The following CLIC5 variants were observed in gnomAD, a reference collection of about 807,000 sequenced individuals.
CLIC5 encodes the protein chloride intracellular channel protein 5.
Under a neutral mutation model 24.7 loss-of-function variants are expected in CLIC5, and 20 were observed. The observed-to-expected ratio is 0.81, with a 90% CI of 0.57 to 1.18. The LOEUF (loss-of-function observed/expected upper bound fraction) is 1.18, where lower values mean the gene tolerates loss of function less well. Ranked by LOEUF, CLIC5 falls within the 50% of genes most tolerant of loss-of-function variation. CLIC5 has a pLI of 0.00. For synonymous variants in CLIC5, 159 were observed against 135.6 expected (o/e 1.17, Z -1.20); for missense variants, 341 against 326.1 (o/e 1.05, Z -0.35).
At chr6:45,895,585 C>T (rs143351247), downstream of CLIC5, among the ~76,000 whole-genome samples, 592 of 152,202 alleles carry the variant, frequency 3.9e-3, 7 homozygotes, top group African/African-American at 0.013. Flanking sequence ...CAAGGTGAAC[C>T]CAGAAGTCTG....
intron 1 of CLIC5, among the ~76,000 whole-genome samples, chr6:46,071,157 T>C (rs1424419625): frequency 1.3e-5 from 2 of 152,170 alleles, no homozygotes; most frequent in East Asian, 1.9e-4. Context: ...ATTCTGGGCA[T>C]AGAAACAGGC....
intron 1 of CLIC5, among the ~76,000 whole-genome samples, chr6:46,005,562 AG>A (rs1766520606): frequency 6.6e-6 from 1 of 152,172 alleles, no homozygotes; most frequent in Non-Finnish European, 1.5e-5. Flanking sequence ...TATAAACAAA[AG>A]TCTGGATCCC....
At chr6:45,910,533 T>G (rs913194181) in intron 5 of CLIC5, among the ~76,000 whole-genome samples, 14 of 152,362 alleles carry the variant, frequency 9.2e-5, no homozygotes, top group Non-Finnish European at 1.6e-4. Context: ...TGTTACATGA[T>G]AAATTAATTA....
chr6:45,999,560 A>G (rs1766272833), intron 1 of CLIC5, among the ~76,000 whole-genome samples: 1 of 152,058 alleles, frequency 6.6e-6, no homozygotes, highest in Non-Finnish European at 1.5e-5. Flanking sequence ...TTATACATGG[A>G]TAAGTATAAG....
At chr6:46,060,917 G>A (rs960096732) in intron 1 of CLIC5, among the ~76,000 whole-genome samples, 2 of 152,124 alleles carry the variant, frequency 1.3e-5, no homozygotes, top group African/African-American at 2.4e-5. Context: ...TGAACCAACT[G>A]GTCACAGCCC....
At chr6:46,125,581 T>C in the CLIC5 span, among the ~76,000 whole-genome samples, 1 of 151,556 alleles carries the variant, frequency 6.6e-6, no homozygotes, top group East Asian at 2.0e-4. Context: ...ATAATTAAAA[T>C]ATATATATAT....
chr6:46,003,195 C>T (rs920358960), intron 1 of CLIC5, among the ~76,000 whole-genome samples: 2 of 152,190 alleles, frequency 1.3e-5, no homozygotes, highest in Non-Finnish European at 2.9e-5. Flanking sequence ...GCCACTGTTG[C>T]TATTATTCAA....
chr6:46,023,601 T>A (rs1767246559), intron 1 of CLIC5, among the ~76,000 whole-genome samples: 1 of 151,752 alleles, frequency 6.6e-6, no homozygotes, highest in Admixed American at 6.6e-5. Flanking sequence ...AGAGATGAAA[T>A]GAAAAAGGAA....
chr6:46,019,363 G>A (rs901949459), upstream of CLIC5, among the ~76,000 whole-genome samples: 1 of 152,176 alleles, frequency 6.6e-6, no homozygotes, highest in African/African-American at 2.4e-5. Context: ...GTAAGAGGAT[G>A]GAAAAGCCCC....
At chr6:45,916,920 G>C (rs920343375) in intron 4 of CLIC5, among the ~76,000 whole-genome samples, 5 of 152,180 alleles carry the variant, frequency 3.3e-5, no homozygotes, top group African/African-American at 1.2e-4. Flanking sequence ...GTTGGTAACA[G>C]CCGTGGTAGA....
At chr6:45,994,656 A>G (rs1766063657) in intron 1 of CLIC5, among the ~76,000 whole-genome samples, 1 of 152,188 alleles carries the variant, frequency 6.6e-6, no homozygotes, top group Non-Finnish European at 1.5e-5. Flanking sequence ...TGTATTACCC[A>G]ACACCATGTC....
intron 1 of CLIC5, among the ~76,000 whole-genome samples, chr6:46,046,988 T>G (rs1319628539): frequency 1.3e-5 from 2 of 152,208 alleles, no homozygotes; most frequent in Non-Finnish European, 2.9e-5. Context: ...GTCCAAGACC[T>G]CTCACTTTCA....
Position 45,911,828 on chromosome 6 carries a change from C to A in CLIC5, c.588+2400G>T, listed in dbSNP as rs955580413. 9 of 985,400 alleles carry A rather than the reference C, an allele frequency of 9.1e-6. No individual in the cohort carries two copies. The African/African-American group carries it at 1.6e-4, about 17-fold the overall frequency. The allele number at this position is 985,400 out of a possible 1,614,324, so 61.0% of individuals were successfully genotyped here. ...CTGCAGATGCCTCTCCCAACGAAGACCTGTGCACCCTGGGCCTTGGCTGCT... is the reference window on the plus strand; with the variant it reads ...CTGCAGATGCCTCTCCCAACGAAGAACTGTGCACCCTGGGCCTTGGCTGCT... On this transcript the variant is annotated intron_variant, in intron 5 of 5. Coordinates refer to ENST00000339561, the MANE Select transcript of CLIC5 (RefSeq NM_016929.5).
At chr6:45,904,248 C>A (rs1762587938) in intron 5 of CLIC5, among the ~76,000 whole-genome samples, 1 of 152,124 alleles carries the variant, frequency 6.6e-6, no homozygotes, top group Admixed American at 6.5e-5. Flanking sequence ...TAATACACAT[C>A]AAATGCTTAG....
chr6:45,946,251 C>A (rs1764284874), intron 3 of CLIC5, among the ~76,000 whole-genome samples: 1 of 152,210 alleles, frequency 6.6e-6, no homozygotes, highest in Non-Finnish European at 1.5e-5. Context: ...CAGAATGTCT[C>A]AACAGTAATC....
intron 1 of CLIC5, among the ~76,000 whole-genome samples, chr6:46,011,129 C>G (rs1197417762): frequency 1.3e-5 from 2 of 152,188 alleles, no homozygotes; most frequent in Non-Finnish European, 2.9e-5. Flanking sequence ...CTCTGTTTTA[C>G]TTCCCCCATG....
intron 1 of CLIC5, among the ~76,000 whole-genome samples, chr6:46,047,809 T>C (rs1204469830): frequency 1.3e-5 from 2 of 149,862 alleles, no homozygotes; most frequent in Non-Finnish European, 3.0e-5. Context: ...CATTGGCAAA[T>C]GAAGAGGCAT....
intron 2 of CLIC5, among the ~76,000 whole-genome samples, chr6:45,951,204 GA>G (rs1764457524): frequency 6.6e-6 from 1 of 152,132 alleles, no homozygotes; most frequent in South Asian, 2.1e-4. Context: ...GACACTTAAA[GA>G]AATCCAAGAT....
intron 1 of CLIC5, among the ~76,000 whole-genome samples, chr6:45,958,439 T>TATACACACACACACACACACACAC: frequency 8.1e-5 from 1 of 12,396 alleles, no homozygotes; most frequent in Middle Eastern, 0.033. Context: ...TATATATATA[T>TATACACACACACACACACACACAC]ATATATATAT....
Sources: allele counts gnomAD v4.1 joint callset (sites outside exome capture counted in the v4.1 genomes callset), GRCh38; gene constraint gnomAD v4.1.1; transcripts MANE v1.5; gene names NCBI Gene and HGNC (gene_info 2026-07-23, HGNC 2026-07-21).